Variants in GTF2H2 observed in about 807,000 individuals in gnomAD.
The protein encoded by GTF2H2 is TFIIH basal transcription factor complex p44 subunit.
GTF2H2 carries 2 observed loss-of-function variants against 16.5 expected under a neutral mutation model. That is an observed-to-expected ratio of 0.12 (90% CI 0.05 to 0.38). GTF2H2 has a LOEUF of 0.38. Ranked by LOEUF, GTF2H2 falls within the 10% of genes least tolerant of loss-of-function variation. GTF2H2 has a pLI of 0.99. For synonymous variants in GTF2H2, 8 were observed against 44.1 expected (o/e 0.18, Z 3.24); for missense variants, 20 against 137.0 (o/e 0.15, Z 4.26).
intron 8 of GTF2H2, among the ~76,000 whole-genome samples, chr5:71,051,026 T>C (rs1752666079): frequency 7.1e-6 from 1 of 141,788 alleles, no homozygotes; most frequent in East Asian, 2.0e-4. Flanking sequence ...TTTGTATTTT[T>C]AGTGAGGACG....
rs1298968021 is a variant in GTF2H2 at position 71,054,749 on chromosome 5, GTGTA to G, written c.470+599_470+602del. Among the ~76,000 whole-genome samples, 889 of 130,450 alleles carry G rather than the reference GTGTA, an allele frequency of 6.8e-3. 17 individuals are homozygous for G. The highest frequency in any genetic ancestry group is 0.045 in the Admixed American group (543 of 12,172). The allele number at this position is 130,450 out of a possible 152,430, so 85.6% of individuals were successfully genotyped here. A position where few individuals can be genotyped will look rare whatever the true frequency, so the allele number is the denominator to read the frequency against. ...TGTGTGTGTGTGTGTGTGTGTGTGTGTGTATATATATAATAGATATATAAGCTTT... is the reference window on the plus strand; with the variant it reads ...TGTGTGTGTGTGTGTGTGTGTGTGTGTATATATAATAGATATATAAGCTTT... On this transcript the variant is annotated intron_variant, in intron 8 of 15. Transcript: ENST00000274400.
intron 7 of GTF2H2, chr5:71,058,393 G>A (rs1472081587): frequency 6.6e-4 from 86 of 130,564 alleles, no homozygotes; most frequent in Admixed American, 3.6e-3. Flanking sequence ...CAATCGAAGC[G>A]TACAAACAAA....
At chr5:71,047,382 GT>G (rs1168758809) in intron 11 of GTF2H2, 13 of 149,162 alleles carry the variant, frequency 8.7e-5, no homozygotes, top group African/African-American at 3.2e-4. Context: ...GCCTCCCAAA[GT>G]GCTAGGATTA....
Position 71,036,322 on chromosome 5 carries a change from C to A in GTF2H2, c.1069-526G>T, listed in dbSNP as rs556913332. On this transcript the variant is annotated intron_variant, in intron 15 of 15. Coordinates refer to ENST00000274400, the Ensembl canonical transcript of GTF2H2. ...TCAGCATTACATATACGAGTACTTG[C>A]GCCTTGGGATAAAATTTCCAGGGCA... 3.4e-5 allele frequency among the ~76,000 whole-genome samples: 3 copies of A among 88,714 alleles called. 1 individual carries two copies. Among genetic ancestry groups the A allele is most frequent in the Non-Finnish European group, 7.2e-5 (3 of 41,548 alleles). 58.2% of individuals were successfully genotyped at this position (88,714 alleles called of 152,430 possible). A position where few individuals can be genotyped will look rare whatever the true frequency, so the allele number is the denominator to read the frequency against.
intron 14 of GTF2H2, among the ~76,000 whole-genome samples, chr5:71,039,733 T>C (rs1458205110): frequency 8.6e-6 from 1 of 116,898 alleles, no homozygotes; most frequent in African/African-American, 3.4e-5. Flanking sequence ...TTACTACATT[T>C]AACCTCAACC....
intron 15 of GTF2H2, 142 bp from the exon 16 acceptor site, chr5:71,035,938 C>T (rs1480792936): frequency 2.9e-5 from 1 of 34,472 alleles, no homozygotes; most frequent in African/African-American, 1.6e-4. Flanking sequence ...CCAATGTACT[C>T]TATATTCTCA....
intron 8 of GTF2H2, among the ~76,000 whole-genome samples, chr5:71,054,829 T>TA (rs1753075181): frequency 1.5e-5 from 2 of 136,824 alleles, no homozygotes; most frequent in Admixed American, 1.5e-4. Context: ...TATATATGTA[T>TA]AATAAATTAT....
intron 8 of GTF2H2, among the ~76,000 whole-genome samples, chr5:71,052,672 TTGTC>T (rs1446638029): frequency 5.0e-5 from 2 of 40,040 alleles, no homozygotes; most frequent in Middle Eastern, 6.0e-3. Context: ...CATTAAAACT[TTGTC>T]TGTATCAGCA....
At chr5:71,051,092 C>T (rs1752674175) in intron 8 of GTF2H2, among the ~76,000 whole-genome samples, 1 of 143,256 alleles carries the variant, frequency 7.0e-6, no homozygotes, top group Admixed American at 7.1e-5. Context: ...AGTGATCCAC[C>T]CGCCTCGGCC....
chr5:71,037,974 C>CAAAAAAA (rs1164937065), intron 14 of GTF2H2, among the ~76,000 whole-genome samples: 1 of 8,436 alleles, frequency 1.2e-4, no homozygotes, highest in African/African-American at 3.0e-4. Flanking sequence ...CTCTGACTCA[C>CAAAAAAA]AAAAAAAAAA....
intron 8 of GTF2H2, among the ~76,000 whole-genome samples, chr5:71,052,954 G>T (rs1305504186): frequency 1.0e-5 from 1 of 100,060 alleles, no homozygotes; most frequent in Non-Finnish European, 2.0e-5. Context: ...TTTTTGTAGA[G>T]GTGGAGGTCT....
At chr5:71,056,873 CA>C (rs1371146140) in intron 7 of GTF2H2, among the ~76,000 whole-genome samples, 1 of 136,854 alleles carries the variant, frequency 7.3e-6, no homozygotes, top group African/African-American at 2.8e-5. Context: ...CTGTACATGT[CA>C]AATTACCAAG....
chr5:71,046,961 CA>C (rs1287811063), intron 11 of GTF2H2, among the ~76,000 whole-genome samples: 6 of 18,002 alleles, frequency 3.3e-4, no homozygotes, highest in Admixed American at 6.4e-4. Context: ...GACTCCATCT[CA>C]AAAAAAAAAA....
intron 12 of GTF2H2, among the ~76,000 whole-genome samples, chr5:71,044,336 A>G (rs1442539677): frequency 1.9e-3 from 62 of 32,716 alleles, no homozygotes; most frequent in African/African-American, 8.0e-3. Flanking sequence ...GAGCAAGTCT[A>G]TGCAGCTCCC....
chr5:71,046,152 TA>T (rs1334069144), intron 11 of GTF2H2, among the ~76,000 whole-genome samples: 1 of 106,736 alleles, frequency 9.4e-6, no homozygotes, highest in Non-Finnish European at 1.8e-5. Flanking sequence ...ATATATTACA[TA>T]AAAAATGTAA....
intron 8 of GTF2H2, among the ~76,000 whole-genome samples, chr5:71,052,497 T>C (rs960802512): frequency 1.6e-5 from 1 of 63,754 alleles, no homozygotes; most frequent in African/African-American, 7.4e-5. Flanking sequence ...TGGAGATGGC[T>C]TCTTTCATTA....
intron 11 of GTF2H2, among the ~76,000 whole-genome samples, chr5:71,045,961 G>T (rs1752307894): frequency 6.9e-6 from 1 of 143,918 alleles, no homozygotes; most frequent in African/African-American, 2.7e-5. Context: ...TTTTAAAGAG[G>T]TTGTAATTTT....
intron 8 of GTF2H2, among the ~76,000 whole-genome samples, chr5:71,051,854 G>A (rs901307941): frequency 1.6e-5 from 2 of 126,662 alleles, no homozygotes; most frequent in African/African-American, 3.1e-5. Flanking sequence ...AGACCAGCTG[G>A]GCAATGTGGC....
At position 71,036,407 on chromosome 5, in the gene GTF2H2, A is replaced by T. The variant is rs1172949636; in HGVS notation, c.1069-611T>A. ...AGAAGTATTTGGCTTTGAATAATAA[A>T]AAAAAAAAGAATGAATAAATAAATT... On this transcript the variant is annotated intron_variant, in intron 15 of 15. Coordinates refer to ENST00000274400, the Ensembl canonical transcript of GTF2H2. Among the ~76,000 whole-genome samples the T allele has an allele frequency of 6.7e-5, 6 of 89,266 alleles. 2 individuals are homozygous for T. Among genetic ancestry groups the T allele is most frequent in the South Asian group, 1.0e-3 (2 of 1,928 alleles). The allele number at this position is 89,266 out of a possible 152,430, so 58.6% of individuals were successfully genotyped here. A position where few individuals can be genotyped will look rare whatever the true frequency, so the allele number is the denominator to read the frequency against.
Sources: allele counts gnomAD v4.1 joint callset (sites outside exome capture counted in the v4.1 genomes callset), GRCh38; gene constraint gnomAD v4.1.1; transcripts MANE v1.5; gene names NCBI Gene and HGNC (gene_info 2026-07-23, HGNC 2026-07-21).